The following ITFG1 variants were observed in gnomAD, a reference collection of about 807,000 sequenced individuals.
ITFG1 encodes integrin alpha FG-GAP repeat containing 1, also known as T-cell immunomodulatory protein.
A neutral mutation model predicts 81.8 loss-of-function variants in ITFG1; 34 were observed. The observed-to-expected ratio is 0.42, with a 90% CI of 0.32 to 0.55. The LOEUF is 0.55. Ranked by LOEUF, ITFG1 falls within the 20% of genes least tolerant of loss-of-function variation. The pLI is 0.17. For synonymous variants in ITFG1, 285 were observed against 270.6 expected (o/e 1.05, Z -0.52); for missense variants, 672 against 755.4 (o/e 0.89, Z 1.29).
intron 5 of ITFG1, among the ~76,000 whole-genome samples, chr16:47,450,898 G>C (rs983020667): frequency 2.6e-5 from 4 of 152,182 alleles, no homozygotes; most frequent in East Asian, 1.9e-4. Context: ...TAGATAGTAA[G>C]AGAGGCCTAG....
chr16:47,155,800 G>A (rs1277722401), intron 17 of ITFG1, 22 bp from the exon 18 acceptor site: 9 of 1,530,116 alleles, frequency 5.9e-6, no homozygotes, highest in East Asian at 2.3e-5. Context: ...TTTTAGACTC[G>A]TTTATAAATG....
chr16:47,178,716 A>C (rs1305314581), intron 14 of ITFG1, among the ~76,000 whole-genome samples: 1 of 152,220 alleles, frequency 6.6e-6, no homozygotes, highest in Non-Finnish European at 1.5e-5. Context: ...AAAAGCCAAA[A>C]TTGACAAATG....
At chr16:47,247,745 C>A (rs1315921645) in intron 12 of ITFG1, among the ~76,000 whole-genome samples, 1 of 151,922 alleles carries the variant, frequency 6.6e-6, no homozygotes, top group Non-Finnish European at 1.5e-5. Flanking sequence ...TTTCATAATT[C>A]TTTGATTCCA....
chr16:47,418,137 G>T (rs1360545201), intron 6 of ITFG1, among the ~76,000 whole-genome samples: 1 of 152,034 alleles, frequency 6.6e-6, no homozygotes, highest in Non-Finnish European at 1.5e-5. Flanking sequence ...GAGATGTTGA[G>T]CATTTTTTCA....
intron 8 of ITFG1, among the ~76,000 whole-genome samples, chr16:47,343,059 A>G (rs1285860599): frequency 6.6e-6 from 1 of 152,170 alleles, no homozygotes; most frequent in Non-Finnish European, 1.5e-5. Flanking sequence ...GTAGAAGAAT[A>G]CAGTTGGAAG....
chr16:47,443,657 C>T (rs1413203709), intron 5 of ITFG1, among the ~76,000 whole-genome samples: 1 of 152,066 alleles, frequency 6.6e-6, no homozygotes, highest in Non-Finnish European at 1.5e-5. Context: ...GAGAAAAAAC[C>T]AAACACCGCA....
At chr16:47,201,021 T>TA (rs1285280354) in intron 14 of ITFG1, among the ~76,000 whole-genome samples, 1 of 152,216 alleles carries the variant, frequency 6.6e-6, no homozygotes, top group Non-Finnish European at 1.5e-5. Context: ...TCAGGATTTT[T>TA]AAAAACAACA....
intron 5 of ITFG1, among the ~76,000 whole-genome samples, chr16:47,439,199 C>T (rs1398286060): frequency 6.6e-6 from 1 of 152,154 alleles, no homozygotes; most frequent in Non-Finnish European, 1.5e-5. Flanking sequence ...AAGATCAAAT[C>T]TACGTCTAAC....
Position 47,162,598 on chromosome 16 carries a change from C to T in ITFG1, c.1520G>A (p.Arg507Gln), listed in dbSNP as rs760607140. Reference sequence around the variant, plus strand: ...GAGATGGTCAAGAAAATTTGCGCTCCGACCTAAACCAAGCACGTTGTATGG... The same window carrying T: ...GAGATGGTCAAGAAAATTTGCGCTCTGACCTAAACCAAGCACGTTGTATGG... The part of the protein sequence containing the change: ...QLPYNVLGLG[R>Q]SANFLDHLYV... The change falls in exon 15 of 18, where the codon CGG (arginine) becomes CAG (glutamine). Residue 507 changes from arginine to glutamine, a missense_variant. Around this residue, in one of 3 missense-constraint regions of ITFG1, gnomAD observed 560 missense variants for 625.7 expected, o/e 0.90. Transcript: ENST00000320640. 8.7e-6 allele frequency: 14 copies of T among 1,611,848 alleles called. No homozygotes were observed. The highest frequency in any genetic ancestry group is 1.3e-5 in the African/African-American group (1 of 74,768).
chr16:47,165,990 A>G (rs1964884511), intron 14 of ITFG1, among the ~76,000 whole-genome samples: 1 of 152,322 alleles, frequency 6.6e-6, no homozygotes, highest in South Asian at 2.1e-4. Flanking sequence ...TTAACCTGAA[A>G]AAGTAGTTCA....
intron 13 of ITFG1, among the ~76,000 whole-genome samples, chr16:47,227,970 T>C (rs942047201): frequency 6.6e-6 from 1 of 152,218 alleles, no homozygotes; most frequent in Non-Finnish European, 1.5e-5. Flanking sequence ...TTTAGTTTAA[T>C]ATTGACATTT....
rs148129769 is a variant in ITFG1 at position 47,402,355 on chromosome 16, T to A, written c.656-26415A>T. 7.1e-3 allele frequency among the ~76,000 whole-genome samples: 1,077 copies of A among 152,356 alleles called. 17 individuals carry two copies. Among genetic ancestry groups the A allele is most frequent in the African/African-American group, 0.025 (1,032 of 41,584 alleles). On this transcript the variant is annotated intron_variant, in intron 6 of 17. Transcript: ENST00000320640. ...AACTATGTGTGTACAGGTTATGATA[T>A]AAAATAAATTCTTATTATAGTTCTG...
At chr16:47,446,944 C>A (rs549089622) in intron 5 of ITFG1, among the ~76,000 whole-genome samples, 112 of 151,880 alleles carry the variant, frequency 7.4e-4, no homozygotes, top group Non-Finnish European at 1.1e-3. Flanking sequence ...CTCACTGCAG[C>A]CTGGACCTTC....
chr16:47,339,128 G>T (rs1967748098), intron 8 of ITFG1, among the ~76,000 whole-genome samples: 1 of 152,174 alleles, frequency 6.6e-6, no homozygotes, highest in Non-Finnish European at 1.5e-5. Flanking sequence ...TGCAAATGAT[G>T]TAATCTCATT....
At chr16:47,320,926 C>A (rs1228897005) in intron 8 of ITFG1, among the ~76,000 whole-genome samples, 1 of 152,072 alleles carries the variant, frequency 6.6e-6, no homozygotes, top group African/African-American at 2.4e-5. Context: ...ATGAAACTAA[C>A]AATTTAGAAT....
At chr16:47,293,719 T>C (rs1288401998) in intron 10 of ITFG1, among the ~76,000 whole-genome samples, 2 of 151,994 alleles carry the variant, frequency 1.3e-5, no homozygotes, top group Non-Finnish European at 1.5e-5. Flanking sequence ...TTTTTTTTGG[T>C]TGTTGTTGGA....
chr16:47,218,111 A>G (rs1415598430), intron 14 of ITFG1: 2 of 152,216 alleles, frequency 1.3e-5, no homozygotes, highest in Non-Finnish European at 2.9e-5. Context: ...CCATTACATA[A>G]CATGGCAATG....
chr16:47,429,029 C>G (rs753298923), intron 5 of ITFG1, 131 bp from the exon 6 acceptor site: 3 of 615,712 alleles, frequency 4.9e-6, no homozygotes, highest in Non-Finnish European at 5.6e-6. Flanking sequence ...ACAATTCATT[C>G]TCTTAAAGTG....
intron 14 of ITFG1, among the ~76,000 whole-genome samples, chr16:47,197,285 G>A (rs998601283): frequency 6.6e-6 from 1 of 152,198 alleles, no homozygotes; most frequent in Middle Eastern, 3.4e-3. Context: ...CTGCTACCTA[G>A]AGGTTTATCC....
Sources: gnomAD v4.1 joint callset for allele counts (sites outside exome capture counted in the v4.1 genomes callset) on GRCh38, gnomAD v4.1.1 for gene constraint, gnomAD v4.1.1 regional missense constraint, MANE v1.5 for transcripts, NCBI Gene and HGNC (gene_info 2026-07-23, HGNC 2026-07-21) for gene names.